Variants in ARK2N observed in about 807,000 individuals in gnomAD.
ARK2N encodes arkadia (RNF111) N-terminal like PKA signaling regulator 2N.
At chr18:46,215,817 T>G in the ARK2N span, 9 of 1,482,750 alleles carry the variant, frequency 6.1e-6, no homozygotes, top group African/African-American at 1.4e-5. Context: ...ACAGGTTGCT[T>G]TCCTGTTGCA....
chr18:46,217,986 A>G, the ARK2N span: 5 of 152,114 alleles, frequency 3.3e-5, no homozygotes, highest in Non-Finnish European at 4.4e-5. Context: ...GTGCATTCCT[A>G]TATCCTCTTC....
chr18:46,192,438 G>A, the ARK2N span, among the ~76,000 whole-genome samples: 3 of 152,074 alleles, frequency 2.0e-5, no homozygotes, highest in African/African-American at 7.2e-5. Context: ...TTATCTGGGC[G>A]TGGTGGTGCA....
At chr18:46,205,277 C>T in the ARK2N span, among the ~76,000 whole-genome samples, 2 of 152,078 alleles carry the variant, frequency 1.3e-5, no homozygotes. Context: ...GATGGTTGTT[C>T]ACAGGTAATA....
the ARK2N span, among the ~76,000 whole-genome samples, chr18:46,193,627 C>T: frequency 9.3e-6 from 1 of 107,642 alleles, no homozygotes; most frequent in African/African-American, 3.6e-5. Flanking sequence ...ATGACAGAGT[C>T]TTGCTCTGTC....
At chr18:46,259,444 G>A in the ARK2N span, among the ~76,000 whole-genome samples, 1,538 of 151,726 alleles carry the variant, frequency 0.01, 35 homozygotes, top group African/African-American at 0.036. Context: ...GGGTTTCACC[G>A]TGTTACCCAG....
At chr18:46,238,636 T>G in the ARK2N span, among the ~76,000 whole-genome samples, 1 of 152,242 alleles carries the variant, frequency 6.6e-6, no homozygotes, top group African/African-American at 2.4e-5. Context: ...AATTTCATAT[T>G]GTGACATGTC....
At chr18:46,214,609 G>A in the ARK2N span, among the ~76,000 whole-genome samples, 7 of 152,180 alleles carry the variant, frequency 4.6e-5, no homozygotes, top group Admixed American at 6.5e-5. Flanking sequence ...TAGGTCATAA[G>A]CTTTTGAGGT....
chr18:46,240,125 G>A, the ARK2N span: 349 of 1,614,078 alleles, frequency 2.2e-4, no homozygotes, highest in Non-Finnish European at 2.8e-4. Context: ...TCTGTAGGCG[G>A]CCAGGACACA....
At chr18:46,216,020 C>G in the ARK2N span, 11 of 1,613,996 alleles carry the variant, frequency 6.8e-6, no homozygotes, top group South Asian at 4.4e-5. The surrounding 1 kb of genome is among the most constrained non-coding windows in gnomAD (Gnocchi z 4.3). Context: ...GATGGTGTAG[C>G]GGATTCTACA....
the ARK2N span, among the ~76,000 whole-genome samples, chr18:46,258,910 T>C: frequency 6.6e-6 from 1 of 152,308 alleles, no homozygotes; most frequent in Non-Finnish European, 1.5e-5. Context: ...TGAATTTTTT[T>C]CCCTATCTGG....
chr18:46,246,507 C>G, the ARK2N span, among the ~76,000 whole-genome samples: 6 of 152,176 alleles, frequency 3.9e-5, no homozygotes, highest in Non-Finnish European at 8.8e-5. Context: ...TTATCTAAGG[C>G]TCTGACAGGA....
the ARK2N span, among the ~76,000 whole-genome samples, chr18:46,249,795 C>T: frequency 6.6e-6 from 1 of 152,162 alleles, no homozygotes; most frequent in Non-Finnish European, 1.5e-5. Flanking sequence ...AGCCAAACTT[C>T]TTAAACTGTG....
chr18:46,186,202 T>A, the ARK2N span, among the ~76,000 whole-genome samples: 1 of 79,452 alleles, frequency 1.3e-5, no homozygotes, highest in African/African-American at 4.9e-5. Context: ...TATCATGAAT[T>A]TTTTTTTTTT....
chr18:46,198,374 A>AT, the ARK2N span, among the ~76,000 whole-genome samples: 1 of 151,130 alleles, frequency 6.6e-6, no homozygotes, highest in African/African-American at 2.4e-5. Flanking sequence ...TAATAGTTAC[A>AT]TTGTAATGCA....
the ARK2N span, among the ~76,000 whole-genome samples, chr18:46,202,854 T>TA: frequency 2.0e-5 from 3 of 151,854 alleles, no homozygotes; most frequent in Non-Finnish European, 2.9e-5. Flanking sequence ...TCCTGCCCAT[T>TA]TCTTTTCTGT....
the ARK2N span, chr18:46,264,471 C>G: frequency 6.6e-6 from 1 of 152,432 alleles, no homozygotes; most frequent in Non-Finnish European, 1.5e-5. Context: ...GTTTTTGTTT[C>G]CATTGTTACC....
At chr18:46,253,816 C>G in the ARK2N span, 1 of 1,608,472 alleles carries the variant, frequency 6.2e-7, no homozygotes, top group Non-Finnish European at 8.5e-7. Flanking sequence ...AGTTCAGGAA[C>G]ATGCAAGGTA....
the ARK2N span, among the ~76,000 whole-genome samples, chr18:46,210,902 C>A: frequency 4.1e-5 from 6 of 147,876 alleles, no homozygotes; most frequent in Admixed American, 4.0e-4. Context: ...CAGAGTGAGA[C>A]CCTGTCTTAA....
At chr18:46,246,566 C>T in the ARK2N span, among the ~76,000 whole-genome samples, 11 of 148,756 alleles carry the variant, frequency 7.4e-5, no homozygotes, top group Admixed American at 2.0e-4. Context: ...TTAACATTCA[C>T]GAGGCAGTCT....
Sources: allele counts gnomAD v4.1 joint callset (sites outside exome capture counted in the v4.1 genomes callset), GRCh38; gene constraint gnomAD v4.1.1; non-coding constraint Gnocchi (gnomAD v3.1); transcripts MANE v1.5; gene names NCBI Gene and HGNC (gene_info 2026-07-23, HGNC 2026-07-21).